The following SHROOM3 variants were observed in gnomAD, a reference collection of about 807,000 sequenced individuals.
The protein encoded by SHROOM3 is shroom family member 3, also known as protein Shroom3.
SHROOM3 carries 47 observed loss-of-function variants against 138.6 expected under a neutral mutation model. That is an observed-to-expected ratio of 0.34 (90% CI 0.27 to 0.43). SHROOM3 has a LOEUF of 0.43. SHROOM3 is among the 20% of genes least tolerant of loss of function. The probability of loss-of-function intolerance (pLI) is 1.00; values close to 1 mark genes in which losing one functional copy is unlikely to be tolerated. For missense variants in SHROOM3, 2,491 were observed against 2,596.5 expected (o/e 0.96, Z 0.88); for synonymous variants, 1,062 against 1,063.3 (o/e 1.00, Z 0.02).
intron 2 of SHROOM3, among the ~76,000 whole-genome samples, chr4:76,702,219 T>C (rs1323396105): frequency 6.6e-6 from 1 of 152,238 alleles, no homozygotes; most frequent in Non-Finnish European, 1.5e-5. Flanking sequence ...GGGTAGGTAG[T>C]GGAGAGGGTG....
chr4:76,652,693 G>T (rs568404427), intron 2 of SHROOM3, among the ~76,000 whole-genome samples: 1 of 151,708 alleles, frequency 6.6e-6, no homozygotes, highest in South Asian at 2.1e-4. Flanking sequence ...TCCTGGAGAG[G>T]GTATTCCAGG....
At chr4:76,614,221 A>AT (rs1376315556) in intron 2 of SHROOM3, among the ~76,000 whole-genome samples, 2 of 151,742 alleles carry the variant, frequency 1.3e-5, no homozygotes, top group East Asian at 3.9e-4. Flanking sequence ...TGCCCGGCTA[A>AT]TTTTTTGTAT....
At chr4:76,705,088 A>G (rs991493658) in intron 2 of SHROOM3, among the ~76,000 whole-genome samples, 18 of 152,210 alleles carry the variant, frequency 1.2e-4, no homozygotes, top group African/African-American at 4.3e-4. Flanking sequence ...ACAGTGTTCA[A>G]GAGAGCCCTA....
chr4:76,485,008 A>G (rs937101255), intron 1 of SHROOM3, among the ~76,000 whole-genome samples: 2 of 152,198 alleles, frequency 1.3e-5, no homozygotes, highest in Admixed American at 1.3e-4. Flanking sequence ...CCTATAATAC[A>G]TTCACAGTAG....
At chr4:76,546,908 C>T (rs960612481) in intron 1 of SHROOM3, among the ~76,000 whole-genome samples, 20 of 152,156 alleles carry the variant, frequency 1.3e-4, no homozygotes, top group Non-Finnish European at 2.9e-4. Context: ...AAAAAGTTGG[C>T]TAAATTCTGC....
At position 76,739,837 on chromosome 4, in the gene SHROOM3, C is replaced by T; in HGVS notation, c.1664C>T (p.Ser555Phe). The T allele has an allele frequency of 6.2e-7, 1 of 1,614,224 alleles. No homozygotes were observed. Among genetic ancestry groups the T allele is most frequent in the Non-Finnish European group, 8.5e-7 (1 of 1,180,052 alleles). ...GAAGCTACAGCCAAGTATGTCCCCT[C>T]CAAAGTCCATTTCTGTTCAGTGCCT... The part of the protein sequence containing the change: ...KPEATAKYVP[S>F]KVHFCSVPEN... Residue 555 changes from serine to phenylalanine, a missense_variant, in exon 5 of 11, where the codon TCC becomes TTC. Ser to Phe is a radical substitution (Grantham distance 155). Transcript: ENST00000296043.
intron 2 of SHROOM3, among the ~76,000 whole-genome samples, chr4:76,697,512 C>T (rs1206218154): frequency 3.3e-5 from 5 of 152,116 alleles, no homozygotes; most frequent in African/African-American, 4.8e-5. Context: ...TAACTAAGCA[C>T]TTAAGTGATG....
intron 1 of SHROOM3, among the ~76,000 whole-genome samples, chr4:76,520,864 C>T (rs1016831672): frequency 3.3e-5 from 5 of 152,206 alleles, no homozygotes; most frequent in Non-Finnish European, 5.9e-5. Flanking sequence ...AGTTAATTCA[C>T]ATCAAGCCAA....
At chr4:76,484,236 A>G (rs1731680247) in intron 1 of SHROOM3, among the ~76,000 whole-genome samples, 1 of 152,098 alleles carries the variant, frequency 6.6e-6, no homozygotes, top group African/African-American at 2.4e-5. Context: ...TGCTAAACTC[A>G]TTATGAACAG....
intron 1 of SHROOM3, 101 bp from the exon 2 acceptor site, chr4:76,555,508 G>T (rs888019176): frequency 5.1e-6 from 8 of 1,558,742 alleles, no homozygotes; most frequent in East Asian, 4.6e-5. Context: ...TAGCTGGTCC[G>T]TTGGGCTCTG....
rs769861836 is a variant in SHROOM3 at position 76,739,322 on chromosome 4, C to T, written c.1149C>T (p.Pro383=). 9 of 1,613,798 alleles carry T rather than the reference C, an allele frequency of 5.6e-6. No homozygotes were observed. In the East Asian group the frequency reaches 8.9e-5, roughly 16 times the overall value. ...ACCTTCCTCCTAAGGTGGGTGCACCCCTGCCTCCAGCTCGGAGTGACAGTT... is the reference window on the plus strand; with the variant it reads ...ACCTTCCTCCTAAGGTGGGTGCACCTCTGCCTCCAGCTCGGAGTGACAGTT... ...TDNLPPKVGA[P]LPPARSDSYA... Residue 383 remains proline, a synonymous_variant, in exon 5 of 11, where the codon CCC becomes CCT. Transcript: ENST00000296043.
At chr4:76,559,048 C>T (rs991957645) in intron 2 of SHROOM3, 5 of 152,214 alleles carry the variant, frequency 3.3e-5, no homozygotes, top group African/African-American at 9.6e-5. Context: ...TCTTTCTTTA[C>T]GTATGCTAAT....
chr4:76,563,239 G>T (rs1483905189), intron 2 of SHROOM3, among the ~76,000 whole-genome samples: 1 of 152,170 alleles, frequency 6.6e-6, no homozygotes, highest in African/African-American at 2.4e-5. Context: ...CACATTCTCT[G>T]ATGATTGCTC....
At chr4:76,723,708 A>T (rs1010649890) in intron 3 of SHROOM3, among the ~76,000 whole-genome samples, 5 of 152,162 alleles carry the variant, frequency 3.3e-5, no homozygotes, top group Admixed American at 3.3e-4. Flanking sequence ...TGCTCACTAC[A>T]TTTGTGACAG....
chr4:76,486,975 A>G (rs1731745146), intron 1 of SHROOM3, among the ~76,000 whole-genome samples: 1 of 152,148 alleles, frequency 6.6e-6, no homozygotes, highest in Non-Finnish European at 1.5e-5. Context: ...TATAGTATAC[A>G]ATGATTTTTA....
chr4:76,674,153 C>T (rs917084566), intron 2 of SHROOM3, among the ~76,000 whole-genome samples: 3 of 152,136 alleles, frequency 2.0e-5, no homozygotes, highest in Non-Finnish European at 2.9e-5. Context: ...GGATTACAGG[C>T]ATGAGCCACC....
intron 1 of SHROOM3, among the ~76,000 whole-genome samples, chr4:76,552,052 G>A (rs898793418): frequency 8.4e-5 from 9 of 107,480 alleles, no homozygotes; most frequent in East Asian, 2.6e-4. Flanking sequence ...TAGTAGAGAC[G>A]GGGTTTCACC....
At chr4:76,530,038 G>A (rs1055417033) in intron 1 of SHROOM3, among the ~76,000 whole-genome samples, 4 of 152,192 alleles carry the variant, frequency 2.6e-5, no homozygotes, top group African/African-American at 9.7e-5. Flanking sequence ...GGCACAATTT[G>A]TGCTGGGGGT....
At chr4:76,630,809 A>G (rs988786742) in intron 2 of SHROOM3, among the ~76,000 whole-genome samples, 9 of 152,196 alleles carry the variant, frequency 5.9e-5, no homozygotes, top group African/African-American at 2.2e-4. Context: ...TTGACTGTGG[A>G]TTACAGTCAG....
Sources: gnomAD v4.1 joint callset for allele counts (sites outside exome capture counted in the v4.1 genomes callset) on GRCh38, gnomAD v4.1.1 for gene constraint, MANE v1.5 for transcripts, NCBI Gene and HGNC (gene_info 2026-07-23, HGNC 2026-07-21) for gene names.